MYL2: variants seen among roughly 807,000 people sequenced by gnomAD.
The protein encoded by MYL2 is myosin light chain 2.
In MYL2, 19 loss-of-function variants were observed where a neutral mutation model predicts 23.0. That is an observed-to-expected ratio of 0.83 (90% CI 0.58 to 1.21). The LOEUF is 1.21. MYL2 is among the 50% of genes most tolerant of loss of function. The pLI is 0.00. For synonymous variants in MYL2, 78 were observed against 76.2 expected, an observed-to-expected ratio of 1.02 and a Z score of -0.13; for missense variants, 180 against 215.1, an observed-to-expected ratio of 0.84 and a Z score of 1.02.
At chr12:110,920,797 C>T (rs571690755), upstream of MYL2, 18 of 591,288 alleles carry the variant, frequency 3.0e-5, no homozygotes, top group South Asian at 2.0e-4. Context: ...GTCATGGTCA[C>T]GGGGAGAGAT....
At chr12:110,912,120 T>G (rs1210794146) in intron 6 of MYL2, among the ~76,000 whole-genome samples, 4 of 152,114 alleles carry the variant, frequency 2.6e-5, no homozygotes, top group African/African-American at 9.7e-5. Flanking sequence ...CATACAATTT[T>G]TAGTAAAATG....
At chr12:110,912,187 C>A (rs373426714) in intron 6 of MYL2, among the ~76,000 whole-genome samples, 1 of 152,142 alleles carries the variant, frequency 6.6e-6, no homozygotes, top group African/African-American at 2.4e-5. Flanking sequence ...AAAATCGACT[C>A]ATTAAGGTTC....
In MYL2 at chr12:110,915,958, C is replaced by T. The variant is rs61942999; in HGVS notation, c.94-168G>A. Among the ~76,000 whole-genome samples the T allele has an allele frequency of 0.12, 18,476 of 152,246 alleles. 1,380 individuals are homozygous for T. The highest frequency in any genetic ancestry group is 0.21 in the East Asian group (1,100 of 5,182). ...AGATAATCCAACAGTTTCTTCAAAA[C>T]GTCAGGCCTCGTGTTATCATATGAC... is the stretch of plus-strand genomic sequence containing the variant. On this transcript the variant is annotated intron_variant, in intron 2 of 6. Coordinates refer to ENST00000228841, the MANE Select transcript of MYL2 (RefSeq NM_000432.4).
chr12:110,918,268 A>T lies in MYL2; in HGVS notation c.93+836T>A, dbSNP rs1688773192. ...AATTGGTACTTTGGTTCTCTTCATAAGGTCCATTGCCATCAAATGCGATGG... is the reference window on the plus strand; with the variant it reads ...AATTGGTACTTTGGTTCTCTTCATATGGTCCATTGCCATCAAATGCGATGG... On this transcript the variant is annotated intron_variant, in intron 2 of 6. Coordinates refer to ENST00000228841, the MANE Select transcript of MYL2 (RefSeq NM_000432.4). The surrounding 1 kb of genome is among the most constrained non-coding windows in gnomAD (Gnocchi z 4.4). Among the ~76,000 whole-genome samples, 2 of 152,186 alleles carry T rather than the reference A, an allele frequency of 1.3e-5. No individual in the cohort carries two copies. The highest frequency in any genetic ancestry group is 1.3e-4 in the Admixed American group (2 of 15,270).
chr12:110,913,012 G>T, intron 6 of MYL2, 84 bp downstream of exon 6: 1 of 1,445,514 alleles, frequency 6.9e-7, no homozygotes, highest in Non-Finnish European at 9.7e-7. Context: ...GGTCAGGGGT[G>T]CTTTAGACGA....
chr12:110,914,338 AC>A (rs758356456), intron 3 of MYL2, 48 bp from the exon 4 acceptor site: 3 of 1,333,558 alleles, frequency 2.2e-6, no homozygotes, highest in Non-Finnish European at 3.2e-6. Flanking sequence ...GGGAGAAAGA[AC>A]CATTATGACA....
chr12:110,912,996 G>T (rs1241770135), intron 6 of MYL2, 100 bp downstream of exon 6: 1 of 1,273,954 alleles, frequency 7.8e-7, no homozygotes, highest in Non-Finnish European at 1.1e-6. Context: ...TTCTCTGTCA[G>T]TGTGGGGTCA....
chr12:110,913,403 C>A, intron 4 of MYL2, 79 bp from the exon 5 acceptor site: 1 of 1,473,054 alleles, frequency 6.8e-7, no homozygotes, highest in Non-Finnish European at 9.5e-7. Context: ...GCCCAAGTTC[C>A]CCCAGAGATG....
At chr12:110,915,357 A>G (rs17192160) in intron 3 of MYL2, among the ~76,000 whole-genome samples, 29,021 of 152,200 alleles carry the variant, frequency 0.19, 3,353 homozygotes, top group Admixed American at 0.27. Context: ...CCTAACAGAC[A>G]TGTCTAGAAA....
At position 110,914,187 on chromosome 12, in the gene MYL2, C is replaced by T. The variant is rs2071673764; in HGVS notation, c.273G>A (p.Lys91=). Residue 91 remains lysine, a splice_region_variant and synonymous_variant, in exon 4 of 7, where the codon AAG becomes AAA. Coordinates refer to ENST00000228841, the MANE Select transcript of MYL2 (RefSeq NM_000432.4). The stretch of plus-strand genomic sequence containing the variant: ...ACACACACACACACACGACCTTACC[C>T]TTAAGTTTCTCCCCAAACATTGTGA... ...VFLTMFGEKL[K]GADPEETILN... is the part of the protein sequence containing the mutation. 6.2e-7 allele frequency: 1 copy of T among 1,611,878 alleles called. No homozygotes were observed. Among genetic ancestry groups the T allele is most frequent in the South Asian group, 1.1e-5 (1 of 91,006 alleles).
At chr12:110,911,947 G>A (rs549020773) in intron 6 of MYL2, among the ~76,000 whole-genome samples, 3 of 152,052 alleles carry the variant, frequency 2.0e-5, no homozygotes, top group African/African-American at 7.2e-5. Context: ...TTAACATGTC[G>A]AATCCTCGCA....
chr12:110,914,516 GTTAT>G (rs933994366), intron 3 of MYL2, among the ~76,000 whole-genome samples: 1 of 152,024 alleles, frequency 6.6e-6, no homozygotes, highest in Non-Finnish European at 1.5e-5. Flanking sequence ...GAAGGTGTTC[GTTAT>G]TTATTTATTT....
Position 110,913,297 on chromosome 12 carries a change from T to TTGAGAATGGTTTCCTCAGGGTC in MYL2, c.280_301dup (p.Asn101ArgfsTer3). 2.5e-6 allele frequency: 4 copies of TTGAGAATGGTTTCCTCAGGGTC among 1,614,204 alleles called. No homozygotes were observed. The highest frequency in any genetic ancestry group is 3.4e-6 in the Non-Finnish European group (4 of 1,180,030). ...TTCAGGGTCAAACACTTTGAATGCG[T>TTGAGAATGGTTTCCTCAGGGTC]TGAGAATGGTTTCCTCAGGGTCCGC... On this transcript the variant is annotated stop_gained and frameshift_variant, in exon 5 of 7. Transcript: ENST00000228841. LOFTEE classifies it high-confidence loss of function.
intron 3 of MYL2, among the ~76,000 whole-genome samples, chr12:110,914,617 C>T (rs186268097): frequency 1.8e-4 from 27 of 152,302 alleles, no homozygotes; most frequent in Middle Eastern, 3.4e-3. Context: ...CTCCCAGGTT[C>T]AAGCGATTCT....
chr12:110,918,841 T>C lies in MYL2; in HGVS notation c.93+263A>G. ...TATCTCTGGGTAATAGAATTGTAGG[T>C]AGTTTTTATTTCCTTTTCTGTGCTT... On this transcript the variant is annotated intron_variant, in intron 2 of 6. Transcript: ENST00000228841. The surrounding 1 kb of genome is among the most constrained non-coding windows in gnomAD (Gnocchi z 4.4). The C allele has an allele frequency of 4.1e-6, 2 of 484,482 alleles. No individual in the cohort carries two copies. The highest frequency in any genetic ancestry group is 7.4e-6 in the Non-Finnish European group (2 of 268,572). 30.0% of individuals were successfully genotyped at this position (484,482 alleles called of 1,614,324 possible). A position where few individuals can be genotyped will look rare whatever the true frequency, so the allele number is the denominator to read the frequency against.
At chr12:110,913,046 A>G (rs1024930338) in intron 6 of MYL2, 50 bp downstream of exon 6, 1 of 1,603,230 alleles carries the variant, frequency 6.2e-7, no homozygotes, top group Non-Finnish European at 8.5e-7. Flanking sequence ...GCCCCCCAGA[A>G]GGAGAACCCA....
Position 110,910,992 on chromosome 12 carries a change from G to T in MYL2, c.*85C>A. ...GCCACATGGCTAACAGACAAGGTAG[G>T]GACAGAGGCGGTACTCGGGGGAGAG... On this transcript the variant is annotated 3_prime_UTR_variant, in exon 7 of 7. Transcript: ENST00000228841. 8.1e-7 allele frequency: 1 copy of T among 1,227,902 alleles called. No homozygotes were observed. Among genetic ancestry groups the T allele is most frequent in the Non-Finnish European group, 1.2e-6 (1 of 829,982 alleles). 76.1% of individuals were successfully genotyped at this position (1,227,902 alleles called of 1,614,324 possible).
chr12:110,913,376 G>T, intron 4 of MYL2, 52 bp from the exon 5 acceptor site: 1 of 1,587,584 alleles, frequency 6.3e-7, no homozygotes, highest in Non-Finnish European at 8.7e-7. Flanking sequence ...GGAACCACTG[G>T]CACCCCAGGC....
In MYL2 at chr12:110,911,160, C is replaced by A; in HGVS notation, c.418G>T (p.Ala140Ser). The change falls in exon 7 of 7, where the codon GCC becomes TCC. Residue 140 changes from alanine to serine, a missense_variant. By Grantham distance (99) the Ala-to-Ser change is moderately conservative. Coordinates refer to ENST00000228841, the MANE Select transcript of MYL2 (RefSeq NM_000432.4). The stretch of plus-strand genomic sequence containing the variant: ...CCAGTCACGTCAGGGGGGAAGGCGG[C>A]GAACATCTGGTCAACCTGCAATGAG... ...FSKEEVDQMF[A>S]AFPPDVTGNL... 3 of 1,611,652 alleles carry A rather than the reference C, an allele frequency of 1.9e-6. No individual in the cohort carries two copies. Among genetic ancestry groups the A allele is most frequent in the Non-Finnish European group, 8.5e-7 (1 of 1,179,558 alleles).
Sources: gnomAD v4.1 joint callset for allele counts (sites outside exome capture counted in the v4.1 genomes callset) on GRCh38, gnomAD v4.1.1 for gene constraint, Gnocchi (gnomAD v3.1) non-coding constraint, MANE v1.5 for transcripts, NCBI Gene and HGNC (gene_info 2026-07-23, HGNC 2026-07-21) for gene names.